CRB1: variants seen among roughly 807,000 people sequenced by gnomAD.
CRB1 encodes protein crumbs homolog 1.
In CRB1, 83 loss-of-function variants were observed where a neutral mutation model predicts 120.0. That is an observed-to-expected ratio of 0.69 (90% confidence interval 0.58 to 0.83). CRB1 has a LOEUF of 0.83. Among genes scored for constraint, CRB1 ranks in the 40% least tolerant of loss-of-function variants. The pLI is 0.00. For missense variants in CRB1, 1,699 were observed against 1,687.6 expected (o/e 1.01, Z -0.12); for synonymous variants, 625 against 612.5 (o/e 1.02, Z -0.30).
chr1:197,266,611 C>A (rs753032931), upstream of CRB1, among the ~76,000 whole-genome samples: 1 of 152,170 alleles, frequency 6.6e-6, no homozygotes, highest in African/African-American at 2.4e-5. Context: ...TAGCCATTGA[C>A]TCATTTGTAT....
chr1:197,387,408 G>T (rs2476024), intron 5 of CRB1, among the ~76,000 whole-genome samples: 10,508 of 151,976 alleles, frequency 0.069, 1,269 homozygotes, highest in African/African-American at 0.24. Context: ...GTTTTCCTCT[G>T]CCATTTGTCT....
At chr1:197,406,521 C>T (rs1463123139) in intron 5 of CRB1, among the ~76,000 whole-genome samples, 1 of 152,098 alleles carries the variant, frequency 6.6e-6, no homozygotes, top group East Asian at 1.9e-4. Context: ...CCACTATTGT[C>T]CTGTGACCCT....
chr1:197,391,523 G>GA (rs947029845), intron 5 of CRB1, among the ~76,000 whole-genome samples: 10 of 151,770 alleles, frequency 6.6e-5, no homozygotes, highest in Non-Finnish European at 1.3e-4. Flanking sequence ...AGTTCAAATG[G>GA]AAAAAAAATG....
chr1:197,236,305 T>A, the CRB1 span, among the ~76,000 whole-genome samples: 5 of 150,694 alleles, frequency 3.3e-5, no homozygotes, highest in South Asian at 1.1e-3. Flanking sequence ...GTTCAAGCGA[T>A]TCTCCCGCCT....
At chr1:197,474,382 A>C (rs531918298) in intron 11 of CRB1, among the ~76,000 whole-genome samples, 12 of 152,336 alleles carry the variant, frequency 7.9e-5, no homozygotes, top group African/African-American at 2.6e-4. Flanking sequence ...TTACACAGCC[A>C]GGACTGGCAG....
At chr1:197,430,926 T>C (rs1169063125) in intron 8 of CRB1, among the ~76,000 whole-genome samples, 1 of 152,000 alleles carries the variant, frequency 6.6e-6, no homozygotes, top group Non-Finnish European at 1.5e-5. Flanking sequence ...ACATGCTGGA[T>C]GCAGTGACTG....
intron 7 of CRB1, chr1:197,428,895 T>G (rs1664730960): frequency 6.9e-7 from 1 of 1,441,222 alleles, no homozygotes; most frequent in Admixed American, 2.2e-5. Context: ...TAAATTTCTT[T>G]TTAAATACTT....
intron 8 of CRB1, 100 bp from the exon 9 acceptor site, chr1:197,434,606 T>A: frequency 9.4e-7 from 1 of 1,065,112 alleles, no homozygotes; most frequent in East Asian, 2.5e-5. Context: ...ATAGTCAATA[T>A]GCAATGTTAT....
chr1:197,210,182 C>G, the CRB1 span, among the ~76,000 whole-genome samples: 1 of 152,104 alleles, frequency 6.6e-6, no homozygotes, highest in South Asian at 2.1e-4. Flanking sequence ...TAGTATTTAC[C>G]AGTAACAACT....
chr1:197,452,552 T>C (rs1044527297), intron 11 of CRB1, among the ~76,000 whole-genome samples: 2 of 152,170 alleles, frequency 1.3e-5, no homozygotes, highest in African/African-American at 4.8e-5. Context: ...TAATAAATAT[T>C]CACAGAAACC....
intron 10 of CRB1, chr1:197,440,093 C>G (rs1665360957): frequency 6.6e-6 from 1 of 152,130 alleles, no homozygotes; most frequent in Non-Finnish European, 1.5e-5. Context: ...TAGTTGTATT[C>G]CAATTCCATG....
At chr1:197,216,428 T>G in the CRB1 span, among the ~76,000 whole-genome samples, 1 of 152,192 alleles carries the variant, frequency 6.6e-6, no homozygotes, top group Non-Finnish European at 1.5e-5. Flanking sequence ...TTTGAATAAA[T>G]AAACTAGCTG....
intron 5 of CRB1, among the ~76,000 whole-genome samples, chr1:197,420,516 AAAC>A (rs1664249928): frequency 6.6e-6 from 1 of 152,206 alleles, no homozygotes; most frequent in Non-Finnish European, 1.5e-5. Flanking sequence ...TATTTCTGGC[AAAC>A]TTTTAGGAAT....
At chr1:197,310,346 G>A (rs374496952) in intron 1 of CRB1, among the ~76,000 whole-genome samples, 6 of 152,008 alleles carry the variant, frequency 3.9e-5, no homozygotes, top group African/African-American at 4.8e-5. Flanking sequence ...TTTTGTCTTC[G>A]CCCTCACCAA....
chr1:197,222,574 CTGT>C, the CRB1 span: 1 of 768,968 alleles, frequency 1.3e-6, no homozygotes, highest in South Asian at 1.3e-5. Flanking sequence ...GACGAAACTC[CTGT>C]TGTTTTGCAG....
At chr1:197,328,285 A>T in intron 1 of CRB1, 137 bp from the exon 2 acceptor site, 1 of 668,546 alleles carries the variant, frequency 1.5e-6, no homozygotes, top group Non-Finnish European at 2.6e-6. Flanking sequence ...TAGATGACGT[A>T]GTTTTTTCAT....
At position 197,368,595 on chromosome 1, in the gene CRB1, T is replaced by A. The variant is rs150510036; in HGVS notation, c.1171+11582T>A. On this transcript the variant is annotated intron_variant, in intron 5 of 11. Coordinates refer to ENST00000367400, the MANE Select transcript of CRB1 (RefSeq NM_201253.3). ...AAGGAGGAAAATTTAAAGGCTAATATTTGGAAGACCACATACAGACCAAAA... is the reference window on the plus strand; with the variant it reads ...AAGGAGGAAAATTTAAAGGCTAATAATTGGAAGACCACATACAGACCAAAA... Among the ~76,000 whole-genome samples, 109 of 152,314 alleles carry A rather than the reference T, an allele frequency of 7.2e-4. No homozygotes were observed. The East Asian group carries it at 0.02, about 28-fold the overall frequency.
At chr1:197,244,525 C>T in the CRB1 span, among the ~76,000 whole-genome samples, 9 of 152,012 alleles carry the variant, frequency 5.9e-5, no homozygotes, top group Non-Finnish European at 1.3e-4. Flanking sequence ...GAGAAATTCT[C>T]TGTCATGAAA....
At chr1:197,236,248 G>A in the CRB1 span, among the ~76,000 whole-genome samples, 1 of 144,886 alleles carries the variant, frequency 6.9e-6, no homozygotes, top group Non-Finnish European at 1.5e-5. Flanking sequence ...CACCCAGGCT[G>A]GAGTGCAGTG....
Sources: allele counts gnomAD v4.1 joint callset (sites outside exome capture counted in the v4.1 genomes callset), GRCh38; gene constraint gnomAD v4.1.1; transcripts MANE v1.5; gene names NCBI Gene and HGNC (gene_info 2026-07-23, HGNC 2026-07-21).